Variants in FAM184A observed in about 807,000 individuals in gnomAD.
The protein encoded by FAM184A is protein FAM184A.
A neutral mutation model predicts 143.8 loss-of-function variants in FAM184A; 99 were observed. The ratio of observed to expected loss-of-function variants is 0.69; its 90% CI spans 0.58 to 0.81. The LOEUF is 0.81. Ranked by LOEUF, FAM184A falls within the 40% of genes least tolerant of loss-of-function variation. The pLI is 0.00. For missense variants in FAM184A, 1,217 were observed against 1,310.5 expected, an observed-to-expected ratio of 0.93 and a Z score of 1.10; for synonymous variants, 427 against 446.4, an observed-to-expected ratio of 0.96 and a Z score of 0.55.
chr6:119,086,264 G>A (rs1788219640), intron 1 of FAM184A, among the ~76,000 whole-genome samples: 1 of 152,234 alleles, frequency 6.6e-6, no homozygotes, highest in Admixed American at 6.5e-5. Context: ...TCCAGGTACT[G>A]AGGCTGCAGT....
rs1189865476 is a variant in FAM184A, at chr6:118,969,993, A to ATAAAATATATATAT, written c.2916-3042_2916-3041insATATATATATTTTA. Among the ~76,000 whole-genome samples, 102 of 24,284 alleles carry ATAAAATATATATAT rather than the reference A, an allele frequency of 4.2e-3. 16 individuals are homozygous for ATAAAATATATATAT. Among genetic ancestry groups the ATAAAATATATATAT allele is most frequent in the East Asian group, 0.012 (6 of 498 alleles). The allele number at this position is 24,284 out of a possible 152,430, so 15.9% of individuals were successfully genotyped here. A position where few individuals can be genotyped will look rare whatever the true frequency, so the allele number is the denominator to read the frequency against. ...AAATTGTTTGGGTGTATATATATAT[A>ATAAAATATATATAT]ATATATATATATATATTTTTTTTTT... On this transcript the variant is annotated intron_variant, in intron 14 of 17. Transcript: ENST00000338891.
intron 1 of FAM184A, among the ~76,000 whole-genome samples, chr6:119,045,898 T>G (rs991413158): frequency 9.2e-5 from 14 of 152,190 alleles, no homozygotes; most frequent in Non-Finnish European, 5.9e-5. Context: ...TTACTAGTGA[T>G]CTCCCTGGAA....
intron 1 of FAM184A, among the ~76,000 whole-genome samples, chr6:119,044,591 TAA>T (rs71748144): frequency 6.1e-5 from 8 of 131,096 alleles, no homozygotes; most frequent in East Asian, 2.1e-4. Flanking sequence ...TCTCTTTAAT[TAA>T]AAAAAAAAAA....
intron 1 of FAM184A, among the ~76,000 whole-genome samples, chr6:119,060,782 C>T (rs1456825730): frequency 2.0e-5 from 3 of 152,118 alleles, no homozygotes; most frequent in Non-Finnish European, 4.4e-5. Flanking sequence ...TAGCACCTCC[C>T]CCTTCTCTTT....
At chr6:118,971,485 A>G (rs1255016034) in intron 14 of FAM184A, among the ~76,000 whole-genome samples, 1 of 152,214 alleles carries the variant, frequency 6.6e-6, no homozygotes, top group Non-Finnish European at 1.5e-5. Context: ...CCATGACCTC[A>G]AGTTGTAGAG....
At chr6:119,017,273 T>C (rs942363499) in intron 4 of FAM184A, among the ~76,000 whole-genome samples, 7 of 151,576 alleles carry the variant, frequency 4.6e-5, no homozygotes, top group African/African-American at 1.7e-4. Flanking sequence ...CCGAGGCGGG[T>C]GGATCACGAG....
intron 1 of FAM184A, among the ~76,000 whole-genome samples, chr6:119,052,913 A>T (rs2114750501): frequency 6.6e-6 from 1 of 152,208 alleles, no homozygotes; most frequent in South Asian, 2.1e-4. Context: ...TTCAGTAAAC[A>T]CTCCTTTCTT....
chr6:119,113,335 TG>T (rs1351385738), intron 1 of FAM184A, among the ~76,000 whole-genome samples: 1 of 152,208 alleles, frequency 6.6e-6, no homozygotes, highest in Non-Finnish European at 1.5e-5. Context: ...ACTGTTTAAA[TG>T]AGGCCTGGCT....
intron 1 of FAM184A, among the ~76,000 whole-genome samples, chr6:119,060,488 C>T (rs542320734): frequency 5.3e-5 from 8 of 152,010 alleles, no homozygotes; most frequent in Non-Finnish European, 1.0e-4. Flanking sequence ...AATGAAGAGG[C>T]TAAAACACTA....
intron 1 of FAM184A, among the ~76,000 whole-genome samples, chr6:119,029,045 A>T (rs1360858417): frequency 6.6e-6 from 1 of 152,218 alleles, no homozygotes; most frequent in African/African-American, 2.4e-5. Context: ...ATATAGGGAC[A>T]CTAAGGAAAA....
chr6:119,065,421 C>A (rs761810535), intron 1 of FAM184A, among the ~76,000 whole-genome samples: 5 of 152,236 alleles, frequency 3.3e-5, no homozygotes, highest in Non-Finnish European at 7.3e-5. Flanking sequence ...AGTTAAGTGA[C>A]TCCTCGATTT....
At chr6:119,013,561 A>C (rs1785151674) in intron 5 of FAM184A, among the ~76,000 whole-genome samples, 1 of 152,250 alleles carries the variant, frequency 6.6e-6, no homozygotes, top group Non-Finnish European at 1.5e-5. Context: ...CTAAGCATGC[A>C]CATGCCTCAC....
At chr6:119,143,415 A>G (rs769674015) in intron 1 of FAM184A, among the ~76,000 whole-genome samples, 1 of 152,226 alleles carries the variant, frequency 6.6e-6, no homozygotes, top group Non-Finnish European at 1.5e-5. Context: ...AACAGTTGGC[A>G]TGGAGGTGAG....
intron 1 of FAM184A, among the ~76,000 whole-genome samples, chr6:119,109,918 C>T (rs534887788): frequency 6.6e-6 from 1 of 152,252 alleles, no homozygotes; most frequent in East Asian, 1.9e-4. Context: ...ATTTTAGGCA[C>T]CTTTTCTCAA....
At chr6:119,016,233 G>GCCACTCA (rs1785246987) in intron 5 of FAM184A, among the ~76,000 whole-genome samples, 1 of 152,174 alleles carries the variant, frequency 6.6e-6, no homozygotes, top group South Asian at 2.1e-4. Flanking sequence ...ATGTGGGTGG[G>GCCACTCA]GCCAGATAAG....
intron 1 of FAM184A, among the ~76,000 whole-genome samples, chr6:119,033,664 CA>C (rs532353203): frequency 1.4e-3 from 150 of 110,134 alleles, no homozygotes; most frequent in East Asian, 2.3e-3. Flanking sequence ...GACTCCGTCT[CA>C]AAAAAAAAAA....
chr6:119,139,291 T>A (rs1465697201), intron 1 of FAM184A, among the ~76,000 whole-genome samples: 1 of 152,216 alleles, frequency 6.6e-6, no homozygotes, highest in Non-Finnish European at 1.5e-5. Flanking sequence ...GAGAGCTTGC[T>A]CTTTATTAGA....
chr6:119,035,293 G>T (rs1582535178), intron 1 of FAM184A, among the ~76,000 whole-genome samples: 1 of 152,080 alleles, frequency 6.6e-6, no homozygotes, highest in African/African-American at 2.4e-5. Context: ...GGAAGAGGGG[G>T]TCACACATAC....
At chr6:119,144,208 C>T (rs1772342905) in intron 1 of FAM184A, among the ~76,000 whole-genome samples, 1 of 150,958 alleles carries the variant, frequency 6.6e-6, no homozygotes, top group African/African-American at 2.4e-5. Flanking sequence ...GTGGCGGGCG[C>T]CTGTAGTCCC....
Sources: gnomAD v4.1 joint callset for allele counts (sites outside exome capture counted in the v4.1 genomes callset) on GRCh38, gnomAD v4.1.1 for gene constraint, MANE v1.5 for transcripts, NCBI Gene and HGNC (gene_info 2026-07-23, HGNC 2026-07-21) for gene names.